Variants in ZNF490 observed in about 807,000 individuals in gnomAD.
ZNF490 encodes the protein zinc finger protein 490.
ZNF490 carries 11 observed loss-of-function variants against 17.7 expected under a neutral mutation model. That is an observed-to-expected ratio of 0.62 (90% confidence interval 0.39 to 1.03). ZNF490 has a LOEUF of 1.03. Among genes scored for constraint, ZNF490 ranks in the 50% least tolerant of loss-of-function variants. ZNF490 has a pLI of 0.00. For missense variants in ZNF490, 542 were observed against 643.4 expected (o/e 0.84, Z 1.71); for synonymous variants, 222 against 216.1 (o/e 1.03, Z -0.24).
Position 12,580,603 on chromosome 19 carries a change from A to G in ZNF490, c.1472T>C (p.Val491Ala). 1 of 1,614,160 alleles carries G rather than the reference A, an allele frequency of 6.2e-7. No homozygotes were observed. Among genetic ancestry groups the G allele is most frequent in the Non-Finnish European group, 8.5e-7 (1 of 1,180,022 alleles). Reference sequence around the variant, plus strand: ...TTCTCCAGTATGAATTCTTTTGTGTACTTTCAGGGAATTTAAACAAGTGAA... The same window carrying G: ...TTCTCCAGTATGAATTCTTTTGTGTGCTTTCAGGGAATTTAAACAAGTGAA... ...KAFTCLNSLKVHKRIHTGERP... is the reference protein window; with the variant it reads ...KAFTCLNSLKAHKRIHTGERP... Residue 491 changes from valine (V) to alanine (A), a missense_variant, in exon 5 of 5, where the codon GTA (valine) becomes GCA (alanine). Val to Ala is a moderately conservative substitution (Grantham distance 64). Coordinates refer to ENST00000311437, the MANE Select transcript of ZNF490 (RefSeq NM_020714.3).
chr19:12,609,059 C>T, intron 2 of ZNF490, 99 bp downstream of exon 2: 2 of 1,190,794 alleles, frequency 1.7e-6, no homozygotes, highest in South Asian at 2.6e-5. Context: ...TCACAAAGAC[C>T]CGAAAGACCC....
In ZNF490 at chr19:12,578,167, T is replaced by G; in HGVS notation, c.*2318A>C. Reference sequence around the variant, plus strand: ...GTCCTGGAGCAGGATGCATGTGACATGCACTGACGTGAGAAGGCCGGAGCA... The same window carrying G: ...GTCCTGGAGCAGGATGCATGTGACAGGCACTGACGTGAGAAGGCCGGAGCA... On this transcript the variant is annotated 3_prime_UTR_variant, in exon 5 of 5. Transcript: ENST00000311437. The G allele has an allele frequency of 1.0e-6, 1 of 985,466 alleles. No individual in the cohort carries two copies. Among genetic ancestry groups the G allele is most frequent in the South Asian group, 4.7e-5 (1 of 21,288 alleles). 61.0% of individuals were successfully genotyped at this position (985,466 alleles called of 1,614,324 possible).
At chr19:12,582,824 T>TA (rs1568278255) in intron 4 of ZNF490, 26 bp downstream of exon 4, 1 of 1,528,922 alleles carries the variant, frequency 6.5e-7, no homozygotes. Flanking sequence ...TCAGGGGCTA[T>TA]ATAATTATTT....
In ZNF490 at chr19:12,583,443, G is replaced by A. The variant is rs370327368; in HGVS notation, c.276C>T (p.Asn92=). 3.1e-5 allele frequency: 50 copies of A among 1,602,908 alleles called. No homozygotes were observed. The highest frequency in any genetic ancestry group is 4.4e-5 in the South Asian group (4 of 90,830). ...TGTCACCCTTACCTATACAGGCCAG[G>A]TTCTTGAAGGTTGCCCGCATCACAT... ...YRDVMRATFK[N]LACIGEKWKD... is the part of the protein sequence containing the mutation. Residue 92 remains asparagine, a synonymous_variant, in exon 3 of 5, where the codon AAC becomes AAT. Coordinates refer to ENST00000311437, the MANE Select transcript of ZNF490 (RefSeq NM_020714.3).
rs1359982526 is a variant in ZNF490 at position 12,582,891 on chromosome 19, C to T, written c.309G>A (p.Gln103=). 1 of 1,612,536 alleles carries T rather than the reference C, an allele frequency of 6.2e-7. No homozygotes were observed. Among genetic ancestry groups the T allele is most frequent in the Non-Finnish European group, 8.5e-7 (1 of 1,179,446 alleles). ...LACIGEKWKD[Q]DIEDEHKNQG... ...GGTTTTTGTGTTCATCTTCAATATC[C>T]TGGTCTTTCCATTTTTCCCCTAAAA... The change falls in exon 4 of 5, where the codon CAG becomes CAA. Residue 103 remains glutamine (Q), a synonymous_variant. Transcript: ENST00000311437.
At position 12,576,240 on chromosome 19, in the gene ZNF490, G is replaced by A. The variant is rs2022632434; in HGVS notation, c.*4245C>T. Among the ~76,000 whole-genome samples the A allele has an allele frequency of 6.6e-6, 1 of 152,204 alleles. No homozygotes were observed. Among genetic ancestry groups the A allele is most frequent in the African/African-American group, 2.4e-5 (1 of 41,448 alleles). Reference sequence around the variant, plus strand: ...GCAAGCATTCCAGCCGGGCCTGGTGGCTCAAGCCTCTAATCCCAGCACTTT... The same window carrying A: ...GCAAGCATTCCAGCCGGGCCTGGTGACTCAAGCCTCTAATCCCAGCACTTT... On this transcript the variant is annotated 3_prime_UTR_variant, in exon 5 of 5. Coordinates refer to ENST00000311437, the MANE Select transcript of ZNF490 (RefSeq NM_020714.3).
rs751310789 is a variant in ZNF490 at position 12,581,006 on chromosome 19, T to C, written c.1069A>G (p.Thr357Ala). 15 of 1,614,164 alleles carry C rather than the reference T, an allele frequency of 9.3e-6. No individual in the cohort carries two copies. The highest frequency in any genetic ancestry group is 1.3e-5 in the Non-Finnish European group (15 of 1,180,022). The change falls in exon 5 of 5, where the codon ACC becomes GCC. Residue 357 changes from threonine to alanine, a missense_variant. Coordinates refer to ENST00000311437, the MANE Select transcript of ZNF490 (RefSeq NM_020714.3). Reference sequence around the variant, plus strand: ...TTACATGTATAAGGTTGAACTCCGGTGTGGGTTTTCACGTGTTTTCGAAGG... The same window carrying C: ...TTACATGTATAAGGTTGAACTCCGGCGTGGGTTTTCACGTGTTTTCGAAGG... Reference protein sequence around the residue: ...SSLRKHVKTHTGVQPYTCKKC... With the variant: ...SSLRKHVKTHAGVQPYTCKKC...
intron 2 of ZNF490, among the ~76,000 whole-genome samples, chr19:12,601,906 A>T (rs1290351854): frequency 6.6e-6 from 1 of 151,872 alleles, no homozygotes; most frequent in Non-Finnish European, 1.5e-5. Context: ...AGGCAGGAGA[A>T]TGGCGTGAAC....
intron 2 of ZNF490, among the ~76,000 whole-genome samples, chr19:12,583,757 CTCTCT>C (rs2022772441): frequency 1.1e-4 from 1 of 9,110 alleles, no homozygotes; most frequent in Admixed American, 1.5e-3. Context: ...AATTATTGCG[CTCTCT>C]CTCTCTCTCT....
At position 12,576,245 on chromosome 19, in the gene ZNF490, A is replaced by C. The variant is rs1458491810; in HGVS notation, c.*4240T>G. On this transcript the variant is annotated 3_prime_UTR_variant, in exon 5 of 5. Transcript: ENST00000311437. ...CATTCCAGCCGGGCCTGGTGGCTCA[A>C]GCCTCTAATCCCAGCACTTTGAGAG... Among the ~76,000 whole-genome samples, 1 of 152,132 alleles carries C rather than the reference A, an allele frequency of 6.6e-6. No homozygotes were observed. Among genetic ancestry groups the C allele is most frequent in the Non-Finnish European group, 1.5e-5 (1 of 68,004 alleles).
intron 2 of ZNF490, among the ~76,000 whole-genome samples, chr19:12,586,964 C>G (rs34413500): frequency 0.061 from 5,438 of 89,124 alleles, 1,758 homozygotes; most frequent in African/African-American, 0.17. Context: ...CAGCTACTCA[C>G]GAGGCAGGAG....
In ZNF490 at chr19:12,583,511, C is replaced by G; in HGVS notation, c.208G>C (p.Glu70Gln). 6.2e-7 allele frequency: 1 copy of G among 1,606,580 alleles called. No homozygotes were observed. Among genetic ancestry groups the G allele is most frequent in the Non-Finnish European group, 8.5e-7 (1 of 1,175,126 alleles). ...TGGCCAGGATCCAGCAAAGCCCACT[C>G]CTCCAGGGTGAAGTTCACAGCCACA... ...EDVAVNFTLE[E>Q]WALLDPGQRN... The change falls in exon 3 of 5, where the codon GAG becomes CAG. Residue 70 changes from glutamate to glutamine, a missense_variant. Glu to Gln is a conservative substitution (Grantham distance 29). Transcript: ENST00000311437.
intron 2 of ZNF490, among the ~76,000 whole-genome samples, chr19:12,604,265 C>T (rs2023041019): frequency 6.6e-6 from 1 of 152,164 alleles, no homozygotes; most frequent in Non-Finnish European, 1.5e-5. Context: ...CCTGTAATCC[C>T]AGCACTTTGG....
intron 2 of ZNF490, among the ~76,000 whole-genome samples, chr19:12,599,530 C>G (rs1239687093): frequency 6.6e-6 from 1 of 152,190 alleles, no homozygotes; most frequent in Non-Finnish European, 1.5e-5. Context: ...AAGTTAGATG[C>G]TAGAATGAGT....
chr19:12,600,144 C>T (rs113636008), intron 2 of ZNF490, among the ~76,000 whole-genome samples: 3,867 of 151,872 alleles, frequency 0.025, 161 homozygotes, highest in African/African-American at 0.089. Context: ...GGGCAGATCA[C>T]GAGGTTAGGA....
chr19:12,602,273 G>A lies in ZNF490; in HGVS notation c.162+6885C>T, dbSNP rs567168010. Among the ~76,000 whole-genome samples the A allele has an allele frequency of 1.1e-3, 166 of 152,182 alleles. 1 individual carries two copies. The highest frequency in any genetic ancestry group is 3.7e-3 in the African/African-American group (155 of 41,534). Reference sequence around the variant, plus strand: ...GTATATCAGAAAACCTTTGGCTGGCGCGGTAGCTCCCGCCTGTAATCCCAG... The same window carrying A: ...GTATATCAGAAAACCTTTGGCTGGCACGGTAGCTCCCGCCTGTAATCCCAG... On this transcript the variant is annotated intron_variant, in intron 2 of 4. Transcript: ENST00000311437.
intron 2 of ZNF490, among the ~76,000 whole-genome samples, chr19:12,596,401 G>C (rs537484923): frequency 6.6e-6 from 1 of 152,072 alleles, no homozygotes; most frequent in Non-Finnish European, 1.5e-5. Flanking sequence ...ACATTCACAA[G>C]GGCCAGGCAT....
At position 12,580,893 on chromosome 19, in the gene ZNF490, T is replaced by C; in HGVS notation, c.1182A>G (p.Gln394=). The C allele has an allele frequency of 1.9e-6, 3 of 1,614,188 alleles. No homozygotes were observed. In the South Asian group the frequency reaches 3.3e-5, roughly 18 times the overall value. ...HFGEKPYECK[Q]CGKAFNSSSY... ...TTGAAGAATTGAAGGCTTTACCACATTGTTTACATTCATAGGGTTTTTCTC... is the reference window on the plus strand; with the variant it reads ...TTGAAGAATTGAAGGCTTTACCACACTGTTTACATTCATAGGGTTTTTCTC... The change falls in exon 5 of 5, where the codon CAA becomes CAG. Residue 394 remains glutamine (Q), a synonymous_variant. Transcript: ENST00000311437.
intron 2 of ZNF490, among the ~76,000 whole-genome samples, chr19:12,601,516 A>G (rs902294883): frequency 6.6e-6 from 1 of 152,118 alleles, no homozygotes; most frequent in Non-Finnish European, 1.5e-5. Flanking sequence ...TCAGCCATCA[A>G]GCAGCTGGGA....
Sources: allele counts gnomAD v4.1 joint callset (sites outside exome capture counted in the v4.1 genomes callset), GRCh38; gene constraint gnomAD v4.1.1; transcripts MANE v1.5; gene names NCBI Gene and HGNC (gene_info 2026-07-23, HGNC 2026-07-21).